Variants in KIF26B observed in about 807,000 individuals in gnomAD.
KIF26B encodes the protein kinesin-like protein KIF26B.
In KIF26B, 63 loss-of-function variants were observed where a neutral mutation model predicts 151.2. The observed-to-expected ratio is 0.42, with a 90% CI of 0.34 to 0.51. The LOEUF is 0.51. KIF26B is among the 20% of genes least tolerant of loss of function. KIF26B has a pLI of 0.07. For missense variants in KIF26B, 2,813 were observed against 2,913.6 expected (o/e 0.97, Z 0.79); for synonymous variants, 1,357 against 1,262.1 (o/e 1.08, Z -1.59).
rs1469137088 is a variant in KIF26B at position 245,184,047 on chromosome 1, G to GTTTTTTTTTTTTTTTTTTTTTTTT, written c.465+27366_465+27367insTTTTTTTTTTTTTTTTTTTTTTTT. Among the ~76,000 whole-genome samples, 68 of 9,232 alleles carry GTTTTTTTTTTTTTTTTTTTTTTTT rather than the reference G, an allele frequency of 7.4e-3. 6 individuals carry two copies. Among genetic ancestry groups the GTTTTTTTTTTTTTTTTTTTTTTTT allele is most frequent in the Non-Finnish European group, 9.6e-3 (43 of 4,500 alleles). 6.1% of individuals were successfully genotyped at this position (9,232 alleles called of 152,430 possible). A position where few individuals can be genotyped will look rare whatever the true frequency, so the allele number is the denominator to read the frequency against. ...CCTGCAACAGGTATGGGTGGGAGTT[G>GTTTTTTTTTTTTTTTTTTTTTTTT]TTGTTTTTTTTTTTTTTTTTTTGAG... is the stretch of plus-strand genomic sequence containing the variant. On this transcript the variant is annotated intron_variant, in intron 2 of 14. Transcript: ENST00000407071.
chr1:245,172,909 G>A (rs1668738779), intron 2 of KIF26B, among the ~76,000 whole-genome samples: 1 of 152,214 alleles, frequency 6.6e-6, no homozygotes, highest in African/African-American at 2.4e-5. Context: ...GTTTTAACAA[G>A]TGATGATACC....
chr1:245,639,899 T>C (rs980718073), intron 9 of KIF26B, among the ~76,000 whole-genome samples: 2 of 151,728 alleles, frequency 1.3e-5, no homozygotes, highest in East Asian at 3.9e-4. Flanking sequence ...TCCTGGAGAA[T>C]GTTCCATGTA....
At chr1:245,683,937 C>T (rs2044472706) in intron 10 of KIF26B, among the ~76,000 whole-genome samples, 1 of 152,160 alleles carries the variant, frequency 6.6e-6, no homozygotes, top group Admixed American at 6.5e-5. Flanking sequence ...ATTCCCAGGC[C>T]TCATTATGTA....
At chr1:245,465,287 C>T (rs918064833) in intron 4 of KIF26B, among the ~76,000 whole-genome samples, 1 of 152,098 alleles carries the variant, frequency 6.6e-6, no homozygotes, top group Non-Finnish European at 1.5e-5. Context: ...CCCATTGCCT[C>T]ATTTCTTCCT....
At chr1:245,498,368 T>TA (rs1648518978) in intron 4 of KIF26B, among the ~76,000 whole-genome samples, 1 of 152,202 alleles carries the variant, frequency 6.6e-6, no homozygotes, top group Non-Finnish European at 1.5e-5. Flanking sequence ...AGTGGAATGT[T>TA]ATCATTGACT....
At chr1:245,290,924 C>G (rs1671243152) in intron 2 of KIF26B, among the ~76,000 whole-genome samples, 1 of 152,234 alleles carries the variant, frequency 6.6e-6, no homozygotes, top group East Asian at 1.9e-4. Context: ...CTGGTCAGTG[C>G]TGGTTTCAGC....
At chr1:245,190,983 T>C (rs1370867832) in intron 2 of KIF26B, among the ~76,000 whole-genome samples, 2 of 122,324 alleles carry the variant, frequency 1.6e-5, no homozygotes, top group Non-Finnish European at 3.2e-5. Flanking sequence ...CGCTTGAACC[T>C]GGGAGGCGGA....
chr1:245,259,503 T>A (rs1473885097), intron 2 of KIF26B, among the ~76,000 whole-genome samples: 1 of 152,204 alleles, frequency 6.6e-6, no homozygotes, highest in East Asian at 1.9e-4. Context: ...GTGAGCATGC[T>A]GATACTAAAG....
chr1:245,521,589 A>T (rs1661111849), intron 4 of KIF26B, among the ~76,000 whole-genome samples: 1 of 152,070 alleles, frequency 6.6e-6, no homozygotes, highest in South Asian at 2.1e-4. Context: ...GGCTGGGAAG[A>T]CTGGAAGGAC....
At chr1:245,617,757 C>T (rs1197329402) in intron 9 of KIF26B, among the ~76,000 whole-genome samples, 1 of 152,158 alleles carries the variant, frequency 6.6e-6, no homozygotes, top group African/African-American at 2.4e-5. Context: ...ATCACCGCCT[C>T]CGTTTCTAAT....
At chr1:245,528,364 C>T (rs1661287634) in intron 4 of KIF26B, among the ~76,000 whole-genome samples, 1 of 152,160 alleles carries the variant, frequency 6.6e-6, no homozygotes, top group South Asian at 2.1e-4. Flanking sequence ...AGGCAAAACT[C>T]TGTTCACAGG....
intron 2 of KIF26B, among the ~76,000 whole-genome samples, chr1:245,235,932 T>A (rs1670100798): frequency 5.0e-4 from 1 of 1,984 alleles, no homozygotes. Context: ...CATCACTTAT[T>A]TTTTTTTTTT....
rs2044548866 is a variant in KIF26B, at chr1:245,687,603, C to T, written c.4620C>T (p.Ala1540=). Residue 1540 remains alanine, a synonymous_variant, in exon 12 of 15, where the codon GCC becomes GCT. Transcript: ENST00000407071. The surrounding 1 kb of genome is among the most constrained non-coding windows in gnomAD (Gnocchi z 4.9). ...TCAAGTCCAGCAGCCTTCCCAGGGC[C>T]TTTCAGAAGGCCAGCCGGCAGGAGG... The part of the protein sequence containing the change: ...KSVKSSSLPR[A]FQKASRQEEP... 5 of 1,563,998 alleles carry T rather than the reference C, an allele frequency of 3.2e-6. No individual in the cohort carries two copies. In the South Asian group the frequency reaches 4.7e-5, roughly 15 times the overall value.
chr1:245,599,228 G>A (rs1385297224), intron 5 of KIF26B, among the ~76,000 whole-genome samples: 1 of 152,196 alleles, frequency 6.6e-6, no homozygotes, highest in African/African-American at 2.4e-5. Context: ...AAGGAATAAT[G>A]ATACAAAGGA....
chr1:245,274,219 A>G (rs1028110916), intron 2 of KIF26B, among the ~76,000 whole-genome samples: 3 of 151,934 alleles, frequency 2.0e-5, no homozygotes, highest in African/African-American at 7.3e-5. Context: ...ATTATTTTTT[A>G]TACTTTTGTC....
intron 5 of KIF26B, among the ~76,000 whole-genome samples, chr1:245,550,533 C>T (rs1029974650): frequency 2.0e-5 from 3 of 152,236 alleles, no homozygotes; most frequent in Non-Finnish European, 4.4e-5. Flanking sequence ...AGGACCCTTT[C>T]TGTATGTACC....
chr1:245,290,826 T>C (rs1671241853), intron 2 of KIF26B, among the ~76,000 whole-genome samples: 6 of 152,256 alleles, frequency 3.9e-5, no homozygotes, highest in Admixed American at 3.9e-4. Flanking sequence ...TATCTATTGC[T>C]GCATAACAAA....
intron 2 of KIF26B, among the ~76,000 whole-genome samples, chr1:245,182,674 C>T (rs895242662): frequency 5.9e-5 from 9 of 152,128 alleles, no homozygotes; most frequent in South Asian, 2.1e-4. Flanking sequence ...CTCACTCTGT[C>T]GCCCAGGCTG....
rs1267997886 is a variant in KIF26B at position 245,704,039 on chromosome 1, T to TATG, written c.*1436_*1438dup. On this transcript the variant is annotated 3_prime_UTR_variant, in exon 15 of 15. Coordinates refer to ENST00000407071, the MANE Select transcript of KIF26B (RefSeq NM_018012.4). ...TCCCTATAACAATTCCCTTAGGAATTATGATACCCATTTTAGTGATTGATA... is the reference window on the plus strand; with the variant it reads ...TCCCTATAACAATTCCCTTAGGAATTATGATGATACCCATTTTAGTGATTGATA... The TATG allele has an allele frequency of 4.3e-5, 6 of 141,066 alleles. No homozygotes were observed. The highest frequency in any genetic ancestry group is 1.7e-4 in the African/African-American group (6 of 35,386). The allele number at this position is 141,066 out of a possible 1,614,324, so 8.7% of individuals were successfully genotyped here.
Sources: gnomAD v4.1 joint callset for allele counts (sites outside exome capture counted in the v4.1 genomes callset) on GRCh38, gnomAD v4.1.1 for gene constraint, Gnocchi (gnomAD v3.1) non-coding constraint, MANE v1.5 for transcripts, NCBI Gene and HGNC (gene_info 2026-07-23, HGNC 2026-07-21) for gene names.